NCOA6: variants seen among roughly 807,000 people sequenced by gnomAD.
NCOA6 encodes NRC RAP250.
In NCOA6, 49 loss-of-function variants were observed where a neutral mutation model predicts 171.4. The ratio of observed to expected loss-of-function variants is 0.29; its 90% CI spans 0.23 to 0.36. The LOEUF is 0.36. NCOA6 is among the 10% of genes least tolerant of loss of function. NCOA6 has a pLI of 1.00. For synonymous variants in NCOA6, 910 were observed against 927.5 expected (o/e 0.98, Z 0.34); for missense variants, 2,248 against 2,554.5 (o/e 0.88, Z 2.59).
chr20:34,801,857 T>A (rs62211613), intron 1 of NCOA6, among the ~76,000 whole-genome samples: 1 of 146,618 alleles, frequency 6.8e-6, no homozygotes, highest in Non-Finnish European at 1.5e-5. Flanking sequence ...AGAGACTCCA[T>A]CTCAAAAACA....
intron 4 of NCOA6, among the ~76,000 whole-genome samples, chr20:34,775,096 A>G (rs940840861): frequency 6.6e-6 from 1 of 152,294 alleles, no homozygotes; most frequent in South Asian, 2.1e-4. Context: ...CATCAATGCA[A>G]AGGACCTGTG....
intron 3 of NCOA6, among the ~76,000 whole-genome samples, 176 bp downstream of exon 3, chr20:34,781,945 T>C (rs748667025): frequency 6.6e-5 from 10 of 152,194 alleles, no homozygotes; most frequent in Non-Finnish European, 1.3e-4. Flanking sequence ...TTCTTCTATG[T>C]ACTTAAAAAG....
At chr20:34,743,560 T>C (rs561534696) in intron 10 of NCOA6, among the ~76,000 whole-genome samples, 6 of 152,232 alleles carry the variant, frequency 3.9e-5, no homozygotes, top group Non-Finnish European at 8.8e-5. Context: ...TCAAAAAACC[T>C]GGAGCTCCTC....
chr20:34,740,537 C>G lies in NCOA6; in HGVS notation c.5719G>C (p.Gly1907Arg), dbSNP rs774325178. The change falls in exon 11 of 15, where the codon GGC becomes CGC. Residue 1907 changes from glycine (G) to arginine (R), a missense_variant. By Grantham distance (125) the Gly-to-Arg change is moderately radical (BLOSUM62 -2). This residue lies in a region of NCOA6 where 884 missense variants were observed against 941.9 expected (regional missense o/e 0.94). Transcript: ENST00000359003. ...CGTACACTGGTGGGGAGAGCACCGC[C>G]AGGTAAGCTGGGTCCTGCTGAGGCA... is the stretch of plus-strand genomic sequence containing the variant. ...GTASAGPSLP[G>R]GALPTSVRSI... The G allele has an allele frequency of 6.2e-7, 1 of 1,613,982 alleles. No individual in the cohort carries two copies. Among genetic ancestry groups the G allele is most frequent in the Non-Finnish European group, 8.5e-7 (1 of 1,179,860 alleles).
At chr20:34,764,126 CACCCAGGCTGGAGTGCA>C (rs2076902300) in intron 5 of NCOA6, among the ~76,000 whole-genome samples, 1 of 143,250 alleles carries the variant, frequency 7.0e-6, no homozygotes, top group Non-Finnish European at 1.5e-5. Context: ...CTTGCTATGT[CACCCAGGCTGGAGTGCA>C]GTGGCGCGAT....
intron 4 of NCOA6, among the ~76,000 whole-genome samples, chr20:34,774,519 C>T (rs1336971218): frequency 6.6e-6 from 1 of 152,206 alleles, no homozygotes; most frequent in African/African-American, 2.4e-5. Context: ...GGCACAGCAA[C>T]CTACAATGCT....
At chr20:34,721,255 A>AAAAAACAAAAAAAACAACAAC (rs1568702824) in intron 14 of NCOA6, among the ~76,000 whole-genome samples, 60 of 148,602 alleles carry the variant, frequency 4.0e-4, no homozygotes, top group African/African-American at 1.4e-3. Context: ...AAAAAAAAAA[A>AAAAAACAAAAAAAACAACAAC]AAAAAAAAAA....
At chr20:34,726,281 A>T (rs1476383884) in intron 14 of NCOA6, among the ~76,000 whole-genome samples, 1 of 152,168 alleles carries the variant, frequency 6.6e-6, no homozygotes, top group Non-Finnish European at 1.5e-5. Context: ...AGCACAAAGG[A>T]GGATACTGGT....
Position 34,776,023 on chromosome 20 carries a change from T to A in NCOA6, c.391+270A>T, listed in dbSNP as rs533607837. Among the ~76,000 whole-genome samples, 27 of 152,234 alleles carry A rather than the reference T, an allele frequency of 1.8e-4. No homozygotes were observed. The South Asian group carries it at 5.6e-3, about 32-fold the overall frequency. ...AATCAATTCCTGGTCAGGATGCCAA[T>A]AAAATCAAAGTCTGAAAGACTGATG... On this transcript the variant is annotated intron_variant, in intron 4 of 14. Transcript: ENST00000359003.
intron 4 of NCOA6, among the ~76,000 whole-genome samples, chr20:34,772,759 G>A (rs575592481): frequency 1.4e-4 from 21 of 152,258 alleles, no homozygotes; most frequent in Non-Finnish European, 2.6e-4. Context: ...ACACAAGGCT[G>A]GGGGATGCAC....
intron 14 of NCOA6, among the ~76,000 whole-genome samples, chr20:34,726,038 T>C: frequency 6.6e-6 from 1 of 152,190 alleles, no homozygotes; most frequent in Non-Finnish European, 1.5e-5. Context: ...GGTCACCATC[T>C]AATGGCTGGG....
intron 1 of NCOA6, among the ~76,000 whole-genome samples, chr20:34,805,513 T>C (rs1375423811): frequency 6.6e-6 from 1 of 152,154 alleles, no homozygotes; most frequent in Non-Finnish European, 1.5e-5. Flanking sequence ...ATATACCACA[T>C]TTTCTTTATC....
chr20:34,775,105 T>C (rs1329619067), intron 4 of NCOA6, among the ~76,000 whole-genome samples: 1 of 152,154 alleles, frequency 6.6e-6, no homozygotes, highest in East Asian at 1.9e-4. Context: ...AAAGGACCTG[T>C]GGCAGGAGGA....
intron 7 of NCOA6, among the ~76,000 whole-genome samples, chr20:34,756,922 C>T (rs1279234374): frequency 6.6e-6 from 1 of 152,130 alleles, no homozygotes; most frequent in Non-Finnish European, 1.5e-5. Context: ...CATTTTTCTT[C>T]TGGACATTTT....
At chr20:34,764,598 C>A (rs2076917929) in intron 5 of NCOA6, among the ~76,000 whole-genome samples, 1 of 151,610 alleles carries the variant, frequency 6.6e-6, no homozygotes, top group Non-Finnish European at 1.5e-5. Context: ...AGGCAGAGAA[C>A]TGCTTGAACT....
chr20:34,721,258 A>AAACAAAAAAAACAACAACAAC (rs1989296419), intron 14 of NCOA6, among the ~76,000 whole-genome samples: 1 of 149,996 alleles, frequency 6.7e-6, no homozygotes, highest in African/African-American at 2.5e-5. Context: ...AAAAAAAAAA[A>AAACAAAAAAAACAACAACAAC]AAAAAAAAAC....
In NCOA6 at chr20:34,740,684, C is replaced by T. The variant is rs373647329; in HGVS notation, c.5572G>A (p.Asp1858Asn). 1.9e-6 allele frequency: 3 copies of T among 1,614,094 alleles called. No individual in the cohort carries two copies. Among genetic ancestry groups the T allele is most frequent in the Middle Eastern group, 1.6e-4 (1 of 6,084 alleles). Residue 1858 changes from aspartate (D) to asparagine (N), a missense_variant, in exon 11 of 15, where the codon GAC becomes AAC. Asp to Asn is a conservative substitution (Grantham distance 23). Transcript: ENST00000359003. ...ADGETEGQGL[D>N]TTAPGLMGTE... ...CCCATGAGCCCCGGAGCTGTGGTGTCTAGCCCTTGGCCTTCAGTCTCTCCA... is the reference window on the plus strand; with the variant it reads ...CCCATGAGCCCCGGAGCTGTGGTGTTTAGCCCTTGGCCTTCAGTCTCTCCA...
chr20:34,811,744 C>T (rs1370855248), intron 1 of NCOA6, among the ~76,000 whole-genome samples: 1 of 152,102 alleles, frequency 6.6e-6, no homozygotes, highest in African/African-American at 2.4e-5. Context: ...TTCATGAATG[C>T]CTCCATCTGA....
chr20:34,732,976 A>C (rs1249823951), intron 12 of NCOA6: 2 of 172,150 alleles, frequency 1.2e-5, no homozygotes, highest in Non-Finnish European at 2.5e-5. Flanking sequence ...TTTTTAAAAA[A>C]AGCAATCTTC....
Sources: gnomAD v4.1 joint callset for allele counts (sites outside exome capture counted in the v4.1 genomes callset) on GRCh38, gnomAD v4.1.1 for gene constraint, gnomAD v4.1.1 regional missense constraint, MANE v1.5 for transcripts, NCBI Gene and HGNC (gene_info 2026-07-23, HGNC 2026-07-21) for gene names.